PDK3: variants seen among roughly 807,000 people sequenced by gnomAD.
The protein encoded by PDK3 is pyruvate dehydrogenase kinase, isozyme 3.
A neutral mutation model predicts 32.0 loss-of-function variants in PDK3; 12 were observed. The ratio of observed to expected loss-of-function variants is 0.37; its 90% CI spans 0.24 to 0.61. PDK3 has a LOEUF of 0.61. PDK3 is among the 20% of genes least tolerant of loss of function. The pLI is 0.65. For synonymous variants in PDK3, 122 were observed against 116.3 expected, an observed-to-expected ratio of 1.05 and a Z score of -0.31; for missense variants, 188 against 316.9, an observed-to-expected ratio of 0.59 and a Z score of 3.09.
At chrX:24,524,505 T>C (rs2148200433) in intron 6 of PDK3, among the ~76,000 whole-genome samples, 1 of 111,971 alleles carries the variant, frequency 8.9e-6, no homozygotes, top group East Asian at 2.8e-4. Flanking sequence ...ATGTTAAGGC[T>C]GGGAACATTC....
intron 1 of PDK3, among the ~76,000 whole-genome samples, chrX:24,471,334 G>A (rs1005056220): frequency 8.9e-6 from 1 of 112,293 alleles, no homozygotes; most frequent in South Asian, 3.7e-4. Flanking sequence ...TGTGTCTTCA[G>A]GTTTTTATTT....
chrX:24,534,063 A>G lies in PDK3; in HGVS notation c.1212A>G (p.Ala404=). 2 of 1,202,121 alleles carry G rather than the reference A, an allele frequency of 1.7e-6. 1 individual carries two copies. Among genetic ancestry groups the G allele is most frequent in the South Asian group, 3.6e-5 (2 of 55,002 alleles). ...SEPRDASKYK[A]KQ is the part of the protein sequence containing the mutation. ...CCAGGGATGCTTCAAAATACAAAGC[A>G]AAACAGTAATATACCACCTTGATTT... The change falls in exon 11 of 11, where the codon GCA becomes GCG. Residue 404 remains alanine, a synonymous_variant. Transcript: ENST00000379162.
intron 1 of PDK3, among the ~76,000 whole-genome samples, chrX:24,475,437 G>A (rs1921090590): frequency 9.0e-6 from 1 of 111,112 alleles, no homozygotes; most frequent in East Asian, 2.8e-4. Flanking sequence ...CAGGAGGATC[G>A]CTTGAGTCCA....
chrX:24,513,151 C>A (rs1340067528), intron 5 of PDK3, among the ~76,000 whole-genome samples: 2 of 110,902 alleles, frequency 1.8e-5, no homozygotes, highest in Non-Finnish European at 3.8e-5. Context: ...TTTTAGGATT[C>A]TGATCAATCT....
exon 12 of PDK3, chrX:24,547,310 T>C (rs1003203497): frequency 8.9e-6 from 1 of 112,522 alleles, no homozygotes; most frequent in Admixed American, 9.5e-5. Context: ...ACCTGAAAAG[T>C]ATTTCTCTGT....
intron 1 of PDK3, among the ~76,000 whole-genome samples, chrX:24,476,791 C>T (rs1921125511): frequency 8.9e-6 from 1 of 112,261 alleles, no homozygotes; most frequent in Admixed American, 9.4e-5. Flanking sequence ...GGAACACAGC[C>T]ATGCTCATTC....
chrX:24,489,774 A>G (rs1475974190), intron 1 of PDK3, among the ~76,000 whole-genome samples: 4 of 111,416 alleles, frequency 3.6e-5, no homozygotes, highest in Non-Finnish European at 5.6e-5. Flanking sequence ...TATTTGAAAA[A>G]ATCATTGAGA....
intron 9 of PDK3, among the ~76,000 whole-genome samples, chrX:24,530,225 C>T (rs138515402): frequency 0.024 from 2,696 of 111,402 alleles, 27 homozygotes; most frequent in Non-Finnish European, 0.036. Context: ...TCAGCAAGTC[C>T]CAAAGCCCTT....
At chrX:24,510,012 A>G (rs1159312934) in intron 5 of PDK3, among the ~76,000 whole-genome samples, 1 of 112,269 alleles carries the variant, frequency 8.9e-6, no homozygotes, top group African/African-American at 3.2e-5. Context: ...CTTTGGAAGG[A>G]CTCTTAAAAA....
At chrX:24,547,241 G>A (rs771340027) in exon 12 of PDK3, 1 of 112,466 alleles carries the variant, frequency 8.9e-6, no homozygotes, top group Admixed American at 9.4e-5. Flanking sequence ...AGAGACGTGA[G>A]ATAGTAAATT....
chrX:24,484,568 A>G (rs766546793), intron 1 of PDK3, among the ~76,000 whole-genome samples: 1 of 111,903 alleles, frequency 8.9e-6, no homozygotes, highest in Non-Finnish European at 1.9e-5. Context: ...GCAAACAAAC[A>G]GGATTTCTAA....
At chrX:24,496,656 T>C (rs1417529020) in intron 2 of PDK3, among the ~76,000 whole-genome samples, 1 of 102,728 alleles carries the variant, frequency 9.7e-6, no homozygotes, top group East Asian at 3.0e-4. Flanking sequence ...CTGCCATTTT[T>C]TCCTTTTAAA....
At chrX:24,535,834 G>A (rs1389036456), downstream of PDK3, among the ~76,000 whole-genome samples, 21 of 107,486 alleles carry the variant, frequency 2.0e-4, no homozygotes, top group Non-Finnish European at 4.0e-4. Context: ...ACAGGCGTGG[G>A]CCACCATGCC....
downstream of PDK3, chrX:24,539,046 A>T (rs145937547): frequency 7.0e-5 from 40 of 567,524 alleles, no homozygotes; most frequent in Non-Finnish European, 3.5e-5. Flanking sequence ...AATTATCACT[A>T]TAATGAAATA....
intron 1 of PDK3, among the ~76,000 whole-genome samples, chrX:24,479,767 GGAGT>G (rs1411750504): frequency 2.7e-5 from 3 of 110,267 alleles, no homozygotes; most frequent in African/African-American, 1.0e-4. Context: ...CTTGGGCGAT[GGAGT>G]GAGACTCCGT....
chrX:24,528,100 C>T lies in PDK3; in HGVS notation c.877C>T (p.Pro293Ser), dbSNP rs1293194420. The change falls in exon 9 of 11, where the codon CCA (proline) becomes TCA (serine). Residue 293 changes from proline to serine, a missense_variant. By Grantham distance (74) the Pro-to-Ser change is moderately conservative. Coordinates refer to ENST00000379162, the MANE Select transcript of PDK3 (RefSeq NM_005391.5). Reference protein sequence around the residue: ...IKISDLGGGVPLRKIDRLFNY... With the variant: ...IKISDLGGGVSLRKIDRLFNY... ...GATCAGTGACCTAGGTGGTGGTGTCCCACTTCGAAAAATAGATCGTCTTTT... is the reference window on the plus strand; with the variant it reads ...GATCAGTGACCTAGGTGGTGGTGTCTCACTTCGAAAAATAGATCGTCTTTT... 8.4e-7 allele frequency: 1 copy of T among 1,187,708 alleles called. No homozygotes were observed. The highest frequency in any genetic ancestry group is 1.1e-6 in the Non-Finnish European group (1 of 875,056).
rs1293551772 is a variant in PDK3, at chrX:24,465,441, G to A, written c.-15G>A. On this transcript the variant is annotated 5_prime_UTR_variant, in exon 1 of 11. Transcript: ENST00000379162. ...CCCGGGCGTCTAGGCGGGTCTGTGCGCCGCCCGGGCGAGGATGCGGCTGTT... is the reference window on the plus strand; with the variant it reads ...CCCGGGCGTCTAGGCGGGTCTGTGCACCGCCCGGGCGAGGATGCGGCTGTT... The A allele has an allele frequency of 4.2e-6, 5 of 1,181,457 alleles. No homozygotes were observed. The highest frequency in any genetic ancestry group is 5.7e-6 in the Non-Finnish European group (5 of 873,177).
chrX:24,527,544 A>G (rs373494310), intron 7 of PDK3, 30 bp from the exon 8 acceptor site: 3 of 877,132 alleles, frequency 3.4e-6, no homozygotes, highest in Non-Finnish European at 4.8e-6. Context: ...ATTCGGCAGT[A>G]TGATTAATAA....
downstream of PDK3, among the ~76,000 whole-genome samples, chrX:24,536,482 C>T (rs1922780239): frequency 9.0e-6 from 1 of 111,527 alleles, no homozygotes; most frequent in African/African-American, 3.3e-5. Context: ...AACTGTTTAA[C>T]TCCTTCCTTT....
Sources: gnomAD v4.1 joint callset for allele counts (sites outside exome capture counted in the v4.1 genomes callset) on GRCh38, gnomAD v4.1.1 for gene constraint, MANE v1.5 for transcripts, NCBI Gene and HGNC (gene_info 2026-07-23, HGNC 2026-07-21) for gene names.